Variants in SLITRK6 observed in about 807,000 individuals in gnomAD.
SLITRK6 encodes the protein SLIT and NTRK like family member 6.
SLITRK6 carries 35 observed loss-of-function variants against 55.6 expected under a neutral mutation model. The observed-to-expected ratio is 0.63, with a 90% CI of 0.48 to 0.83. The LOEUF (loss-of-function observed/expected upper bound fraction) is 0.83. SLITRK6 is among the 40% of genes least tolerant of loss of function. The pLI, the probability that SLITRK6 is intolerant of heterozygous loss-of-function variation, is 0.00. For synonymous variants in SLITRK6, 392 were observed against 359.6 expected (o/e 1.09, Z -1.02); for missense variants, 977 against 986.4 (o/e 0.99, Z 0.13).
In SLITRK6 at chr13:85,796,639, G is replaced by T. The variant is rs904425590; in HGVS notation, c.-24-107C>A. On this transcript the variant is annotated intron_variant, in intron 1 of 1. Coordinates refer to ENST00000647374, the MANE Select transcript of SLITRK6 (RefSeq NM_032229.3). ...GTTTTTCTCCAAAAAGCAAATGACG[G>T]ATTACCATGAAAATATGGGTACCTT... The T allele has an allele frequency of 1.7e-5, 15 of 882,752 alleles. No individual in the cohort carries two copies. In the African/African-American group the frequency reaches 2.5e-4, roughly 14 times the overall value. 54.7% of individuals were successfully genotyped at this position (882,752 alleles called of 1,614,324 possible).
rs1377247900 is a variant in SLITRK6 at position 85,798,940 on chromosome 13, T to C, written c.-51A>G. The C allele has an allele frequency of 6.6e-6, 1 of 151,900 alleles. No individual in the cohort carries two copies. Among genetic ancestry groups the C allele is most frequent in the African/African-American group, 2.4e-5 (1 of 41,398 alleles). The allele number at this position is 151,900 out of a possible 1,614,324, so 9.4% of individuals were successfully genotyped here. A position where few individuals can be genotyped will look rare whatever the true frequency, so the allele number is the denominator to read the frequency against. On this transcript the variant is annotated 5_prime_UTR_variant, in exon 1 of 2. Transcript: ENST00000647374. ...TGTAAAGCAGAGACTCTTCCTGACGTTATCTGTAATGCACAGCTGGAAGAG... is the reference window on the plus strand; with the variant it reads ...TGTAAAGCAGAGACTCTTCCTGACGCTATCTGTAATGCACAGCTGGAAGAG...
rs1265214736 is a variant in SLITRK6 at position 85,792,792 on chromosome 13, T to G, written c.*1191A>C. 1 of 152,204 alleles carries G rather than the reference T, an allele frequency of 6.6e-6. No homozygotes were observed. Among genetic ancestry groups the G allele is most frequent in the Admixed American group, 6.6e-5 (1 of 15,168 alleles). The allele number at this position is 152,204 out of a possible 1,614,324, so 9.4% of individuals were successfully genotyped here. On this transcript the variant is annotated 3_prime_UTR_variant, in exon 2 of 2. Coordinates refer to ENST00000647374, the MANE Select transcript of SLITRK6 (RefSeq NM_032229.3). ...AAGAAAGCACATTTAAAAAAGAGTT[T>G]TCATTTTAGTTTTATTGTAGTGAGT... is the stretch of plus-strand genomic sequence containing the variant.
chr13:85,796,513 T>C lies in SLITRK6; in HGVS notation c.-5A>G, dbSNP rs552190751. ...GAGATGAATCCACAGCTTCATGTTG[T>C]CATGTGATGAAATCCGATTCTGTAA... On this transcript the variant is annotated 5_prime_UTR_variant, in exon 2 of 2. Coordinates refer to ENST00000647374, the MANE Select transcript of SLITRK6 (RefSeq NM_032229.3). 2 of 1,519,080 alleles carry C rather than the reference T, an allele frequency of 1.3e-6. No homozygotes were observed. Among genetic ancestry groups the C allele is most frequent in the Admixed American group, 4.7e-5 (2 of 42,790 alleles). The allele number at this position is 1,519,080 out of a possible 1,614,324, so 94.1% of individuals were successfully genotyped here.
rs370565374 is a variant in SLITRK6 at position 85,794,933 on chromosome 13, C to T, written c.1576G>A (p.Val526Ile). 100 of 1,612,958 alleles carry T rather than the reference C, an allele frequency of 6.2e-5. No homozygotes were observed. The Middle Eastern group carries it at 6.6e-4, about 11-fold the overall frequency. ...DNPWDCSCDLVGLQQWIQKLS... is the reference protein window; with the variant it reads ...DNPWDCSCDLIGLQQWIQKLS... ...TTTTGTATCCATTGCTGCAGTCCAA[C>T]CAGGTCACAGGAGCAGTCCCAGGGG... The change falls in exon 2 of 2, where the codon GTT becomes ATT. Residue 526 changes from valine (V) to isoleucine (I), a missense_variant. Coordinates refer to ENST00000647374, the MANE Select transcript of SLITRK6 (RefSeq NM_032229.3).
At position 85,799,321 on chromosome 13, in the gene SLITRK6, A is replaced by T. The variant is rs410729; in HGVS notation, c.-432T>A. The T allele has an allele frequency of 3.9e-5, 6 of 152,058 alleles. No homozygotes were observed. The highest frequency in any genetic ancestry group is 5.9e-5 in the Non-Finnish European group (4 of 67,986). The allele number at this position is 152,058 out of a possible 1,614,324, so 9.4% of individuals were successfully genotyped here. A position where few individuals can be genotyped will look rare whatever the true frequency, so the allele number is the denominator to read the frequency against. ...CTTTCTTAGGTTGTAGATCCAAGCT[A>T]CAGCAATGTTCTCCTTCCTCCTTTT... On this transcript the variant is annotated 5_prime_UTR_variant, in exon 1 of 2. Transcript: ENST00000647374.
rs1422424617 is a variant in SLITRK6 at position 85,795,897 on chromosome 13, G to A, written c.612C>T (p.Leu204=). The A allele has an allele frequency of 4.3e-6, 7 of 1,612,978 alleles. No individual in the cohort carries two copies. Among genetic ancestry groups the A allele is most frequent in the East Asian group, 2.2e-5 (1 of 44,820 alleles). The change falls in exon 2 of 2, where the codon CTC becomes CTT. Residue 204 remains leucine, a synonymous_variant. Transcript: ENST00000647374. ...QLQTLPYVGF[L]EHIGRILDLQ... is the part of the protein sequence containing the mutation. ...GATCCAATATTCGGCCAATGTGTTC[G>A]AGAAAACCAACATAAGGCAATGTTT...
Position 85,795,135 on chromosome 13 carries a change from C to T in SLITRK6, c.1374G>A (p.Met458Ile), listed in dbSNP as rs1874669818. The change falls in exon 2 of 2, where the codon ATG (methionine) becomes ATA (isoleucine). Residue 458 changes from methionine to isoleucine, a missense_variant. Met to Ile is a conservative substitution (Grantham distance 10). Coordinates refer to ENST00000647374, the MANE Select transcript of SLITRK6 (RefSeq NM_032229.3). ...KEILPGTFNPMPKLKVLYLNN... is the reference protein window; with the variant it reads ...KEILPGTFNPIPKLKVLYLNN... ...TTAAATACAGGACTTTAAGTTTAGG[C>T]ATTGGATTAAAGGTTCCTGGCAGTA... 1.2e-6 allele frequency: 2 copies of T among 1,612,810 alleles called. No individual in the cohort carries two copies. Among genetic ancestry groups the T allele is most frequent in the East Asian group, 2.2e-5 (1 of 44,840 alleles).
rs762640929 is a variant in SLITRK6, at chr13:85,796,479, T to C, written c.30A>G (p.Ser10=). The C allele has an allele frequency of 2.6e-6, 4 of 1,559,532 alleles. No homozygotes were observed. The African/African-American group carries it at 5.5e-5, about 22-fold the overall frequency. The change falls in exon 2 of 2, where the codon TCA becomes TCG. Residue 10 remains serine, a synonymous_variant. Transcript: ENST00000647374. ...GTAAAGATATACAGGCAAGGAGAGA[T>C]GAATAAAAGAGATGAATCCACAGCT... The part of the protein sequence containing the change: MKLWIHLFY[S]SLLACISLHS...
intron 1 of SLITRK6, among the ~76,000 whole-genome samples, chr13:85,797,222 G>A (rs1323707956): frequency 2.0e-5 from 3 of 150,668 alleles, no homozygotes; most frequent in Non-Finnish European, 4.4e-5. Flanking sequence ...CTTTGATCAT[G>A]TTATAAAGTA....
Position 85,798,899 on chromosome 13 carries a change from A to C in SLITRK6, c.-25+15T>G, listed in dbSNP as rs1874800044. Reference sequence around the variant, plus strand: ...AAAAATAAGTATAAGAAAAGCCTGGAAACATTCATCTTACCTGTAAAGCAG... The same window carrying C: ...AAAAATAAGTATAAGAAAAGCCTGGCAACATTCATCTTACCTGTAAAGCAG... On this transcript the variant is annotated intron_variant, in intron 1 of 1. Transcript: ENST00000647374. The C allele has an allele frequency of 6.6e-6, 1 of 151,926 alleles. No homozygotes were observed. Among genetic ancestry groups the C allele is most frequent in the African/African-American group, 2.4e-5 (1 of 41,398 alleles). 9.4% of individuals were successfully genotyped at this position (151,926 alleles called of 1,614,324 possible).
At position 85,794,530 on chromosome 13, in the gene SLITRK6, A is replaced by G. The variant is rs1874638585; in HGVS notation, c.1979T>C (p.Met660Thr). The G allele has an allele frequency of 2.5e-6, 4 of 1,613,176 alleles. No individual in the cohort carries two copies. Among genetic ancestry groups the G allele is most frequent in the East Asian group, 2.2e-5 (1 of 44,830 alleles). Reference protein sequence around the residue: ...DNSPVHLQYSMYGHKTTHHTT... With the variant: ...DNSPVHLQYSTYGHKTTHHTT... ...GTGATGAGTGGTTTTATGGCCATAC[A>G]TGCTGTACTGAAGATGCACAGGACT... Residue 660 changes from methionine (M) to threonine (T), a missense_variant, in exon 2 of 2, where the codon ATG (methionine) becomes ACG (threonine). Physicochemically the swap from Met to Thr is moderately conservative, Grantham distance 81. Transcript: ENST00000647374.
Position 85,795,026 on chromosome 13 carries a change from TA to T in SLITRK6, c.1482del (p.Phe494LeufsTer6), listed in dbSNP as rs1414280471. 6.2e-7 allele frequency: 1 copy of T among 1,612,964 alleles called. No individual in the cohort carries two copies. The highest frequency in any genetic ancestry group is 8.5e-7 in the Non-Finnish European group (1 of 1,179,398). ...AAAATATTACTTACAGGTAGATGGG[TA>T]AACTGGTTTGTTTTAAGATTTACCT... is the stretch of plus-strand genomic sequence containing the variant. ...LTKVNLKTNQFTHLPVSNILD... is the reference protein window; with the variant it reads ...LTKVNLKTNQXTHLPVSNILD... On this transcript the variant is annotated frameshift_variant, in exon 2 of 2. Transcript: ENST00000647374. LOFTEE classifies it high-confidence loss of function.
At chr13:85,797,427 AAAG>A (rs1170197221) in intron 1 of SLITRK6, among the ~76,000 whole-genome samples, 1 of 151,780 alleles carries the variant, frequency 6.6e-6, no homozygotes, top group Admixed American at 6.6e-5. Flanking sequence ...GATAAAAACT[AAAG>A]AAGCAAGATT....
In SLITRK6 at chr13:85,795,730, C is replaced by G; in HGVS notation, c.779G>C (p.Arg260Thr). ...PPFFKGSILS[R>T]LKKESICPTP... is the part of the protein sequence containing the mutation. ...AGGGCAAATAGATTCCTTCTTTAGT[C>G]TACTGAGTATACTTCCTTTAAAAAA... is the stretch of plus-strand genomic sequence containing the variant. Residue 260 changes from arginine to threonine, a missense_variant, in exon 2 of 2, where the codon AGA becomes ACA. Transcript: ENST00000647374. The G allele has an allele frequency of 6.2e-7, 1 of 1,612,746 alleles. No homozygotes were observed. The highest frequency in any genetic ancestry group is 8.5e-7 in the Non-Finnish European group (1 of 1,179,312).
In SLITRK6 at chr13:85,796,419, A is replaced by G. The variant is rs749767975; in HGVS notation, c.90T>C (p.Ser30=). ...SQTPVLSSRG[S]CDSLCNCEEK... is the part of the protein sequence containing the mutation. ...CCTCACAATTGCAAAGAGAATCACA[A>G]GAGCCTCTGGATGAGAGCACTGGAG... The change falls in exon 2 of 2, where the codon TCT becomes TCC. Residue 30 remains serine, a synonymous_variant. Coordinates refer to ENST00000647374, the MANE Select transcript of SLITRK6 (RefSeq NM_032229.3). 6.2e-7 allele frequency: 1 copy of G among 1,612,152 alleles called. No individual in the cohort carries two copies. Among genetic ancestry groups the G allele is most frequent in the Non-Finnish European group, 8.5e-7 (1 of 1,179,006 alleles).
Position 85,793,807 on chromosome 13 carries a change from G to A in SLITRK6, c.*176C>T. On this transcript the variant is annotated 3_prime_UTR_variant, in exon 2 of 2. Coordinates refer to ENST00000647374, the MANE Select transcript of SLITRK6 (RefSeq NM_032229.3). ...ACAGACTAAATTGCCTGAAGATAAT[G>A]CCATGGCTTCTCCCAGTGATCCCTG... 1 of 612,964 alleles carries A rather than the reference G, an allele frequency of 1.6e-6. No homozygotes were observed. The highest frequency in any genetic ancestry group is 3.2e-5 in the South Asian group (1 of 31,444). 38.0% of individuals were successfully genotyped at this position (612,964 alleles called of 1,614,324 possible).
In SLITRK6 at chr13:85,796,082, C is replaced by A. The variant is rs1874711329; in HGVS notation, c.427G>T (p.Ala143Ser). The A allele has an allele frequency of 6.2e-7, 1 of 1,612,722 alleles. No individual in the cohort carries two copies. Among genetic ancestry groups the A allele is most frequent in the Non-Finnish European group, 8.5e-7 (1 of 1,179,360 alleles). Residue 143 changes from alanine (A) to serine (S), a missense_variant, in exon 2 of 2, where the codon GCA (alanine) becomes TCA (serine). Physicochemically the swap from Ala to Ser is moderately conservative, Grantham distance 99 (BLOSUM62 1). Coordinates refer to ENST00000647374, the MANE Select transcript of SLITRK6 (RefSeq NM_032229.3). ...HGLENLEFLQADNNFITVIEP... is the reference protein window; with the variant it reads ...HGLENLEFLQSDNNFITVIEP... ...ATCACTGTGATAAAATTGTTATCTG[C>A]TTGCAGGAATTCCAGGTTTTCCAGT... is the stretch of plus-strand genomic sequence containing the variant.
At position 85,795,037 on chromosome 13, in the gene SLITRK6, G is replaced by T. The variant is rs368750148; in HGVS notation, c.1472C>A (p.Thr491Lys). The T allele has an allele frequency of 6.2e-7, 1 of 1,612,970 alleles. No homozygotes were observed. Among genetic ancestry groups the T allele is most frequent in the Non-Finnish European group, 8.5e-7 (1 of 1,179,376 alleles). ...TACAGGTAGATGGGTAAACTGGTTT[G>T]TTTTAAGATTTACCTTAGTTAGAGG... ...GVPLTKVNLK[T>K]NQFTHLPVSN... The change falls in exon 2 of 2, where the codon ACA (threonine) becomes AAA (lysine). Residue 491 changes from threonine (T) to lysine (K), a missense_variant. Physicochemically the swap from Thr to Lys is moderately conservative, Grantham distance 78 (BLOSUM62 -1). Transcript: ENST00000647374.
Position 85,794,324 on chromosome 13 carries a change from G to A in SLITRK6, c.2185C>T (p.Pro729Ser). The change falls in exon 2 of 2, where the codon CCA (proline) becomes TCA (serine). Residue 729 changes from proline (P) to serine (S), a missense_variant. Physicochemically the swap from Pro to Ser is moderately conservative, Grantham distance 74. Transcript: ENST00000647374. ...TATTTCATATTTGACCCTGTGAGTG[G>A]TGAATGATTTTCCTGTTCCAAAAGA... ...RSLLEQENHS[P>S]LTGSNMKYKT... is the part of the protein sequence containing the mutation. 6.2e-7 allele frequency: 1 copy of A among 1,613,256 alleles called. No homozygotes were observed. The highest frequency in any genetic ancestry group is 8.5e-7 in the Non-Finnish European group (1 of 1,179,560).
Sources: allele counts gnomAD v4.1 joint callset (sites outside exome capture counted in the v4.1 genomes callset), GRCh38; gene constraint gnomAD v4.1.1; transcripts MANE v1.5; gene names NCBI Gene and HGNC (gene_info 2026-07-23, HGNC 2026-07-21).